The following GNAQ variants were observed in gnomAD, a reference collection of about 807,000 sequenced individuals.
The protein encoded by GNAQ is G protein subunit alpha q, also known as guanine nucleotide-binding protein G(q) subunit alpha.
GNAQ carries 8 observed loss-of-function variants against 43.9 expected under a neutral mutation model. The ratio of observed to expected loss-of-function variants is 0.18; its 90% CI spans 0.11 to 0.33. The LOEUF (loss-of-function observed/expected upper bound fraction) is 0.33. Ranked by LOEUF, GNAQ falls within the 10% of genes least tolerant of loss-of-function variation. GNAQ has a pLI of 1.00. For missense variants in GNAQ, 158 were observed against 450.8 expected (o/e 0.35, Z 5.88); for synonymous variants, 155 against 170.7 (o/e 0.91, Z 0.71).
intron 2 of GNAQ, among the ~76,000 whole-genome samples, chr9:77,917,908 T>C (rs1828937629): frequency 6.6e-6 from 1 of 152,206 alleles, no homozygotes; most frequent in African/African-American, 2.4e-5. Context: ...ATCTTTCTTT[T>C]GGTAAAATGT....
chr9:77,894,649 T>G (rs1408473122), intron 2 of GNAQ, among the ~76,000 whole-genome samples: 1 of 151,054 alleles, frequency 6.6e-6, no homozygotes, highest in Non-Finnish European at 1.5e-5. Flanking sequence ...TCTAGATCCC[T>G]TGACCTTGTG....
intron 1 of GNAQ, among the ~76,000 whole-genome samples, chr9:77,932,977 A>C (rs1339494703): frequency 1.3e-5 from 2 of 152,162 alleles, no homozygotes; most frequent in Non-Finnish European, 2.9e-5. Flanking sequence ...GAACTCGTTG[A>C]TTTCTGGCTT....
intron 2 of GNAQ, among the ~76,000 whole-genome samples, chr9:77,908,449 T>C (rs149878423): frequency 6.6e-6 from 1 of 152,294 alleles, no homozygotes; most frequent in African/African-American, 2.4e-5. Context: ...TCTCAAATAC[T>C]GTGCACTTTC....
chr9:77,920,030 T>C (rs937065370), intron 2 of GNAQ, among the ~76,000 whole-genome samples: 1 of 152,034 alleles, frequency 6.6e-6, no homozygotes, highest in Non-Finnish European at 1.5e-5. Context: ...TCCCAGCTAC[T>C]TGGGATGCTG....
chr9:77,945,558 A>C (rs548473507), intron 1 of GNAQ, among the ~76,000 whole-genome samples: 1 of 152,316 alleles, frequency 6.6e-6, no homozygotes, highest in Non-Finnish European at 1.5e-5. Context: ...TAAAATGCTT[A>C]ATTACCTAGG....
chr9:77,932,437 T>C (rs1054301824), intron 1 of GNAQ, among the ~76,000 whole-genome samples: 1 of 152,136 alleles, frequency 6.6e-6, no homozygotes, highest in Non-Finnish European at 1.5e-5. Flanking sequence ...GCTAAAGAAT[T>C]AAACGACAAT....
intron 1 of GNAQ, among the ~76,000 whole-genome samples, chr9:77,950,069 C>CT (rs2118377254): frequency 6.6e-6 from 1 of 152,264 alleles, no homozygotes; most frequent in Non-Finnish European, 1.5e-5. Context: ...TGACTCTTCT[C>CT]TTATCAAAAA....
intron 1 of GNAQ, among the ~76,000 whole-genome samples, chr9:77,984,049 CAAAAAAA>C (rs72279886): frequency 1.0e-3 from 68 of 67,962 alleles, no homozygotes; most frequent in Admixed American, 3.2e-3. Context: ...TTTTGGAGAG[CAAAAAAA>C]AAAAAAAAAA....
chr9:77,890,521 C>T lies in GNAQ; in HGVS notation c.321+31640G>A, dbSNP rs186951766. 4.9e-4 allele frequency among the ~76,000 whole-genome samples: 75 copies of T among 152,176 alleles called. 1 individual carries two copies. In the East Asian group the frequency reaches 0.014, roughly 28 times the overall value. ...GGAGGATCACCTGTGGTTGGAAGTT[C>T]GAGATCAGCCTGACCAACATGGAGA... On this transcript the variant is annotated intron_variant, in intron 2 of 6. Coordinates refer to ENST00000286548, the MANE Select transcript of GNAQ (RefSeq NM_002072.5).
chr9:78,024,890 GA>G (rs1422587101), intron 1 of GNAQ, among the ~76,000 whole-genome samples: 1 of 151,840 alleles, frequency 6.6e-6, no homozygotes, highest in African/African-American at 2.4e-5. Context: ...AGTATATGTT[GA>G]AAAAATGGAT....
At position 77,728,642 on chromosome 9, in the gene GNAQ, A is replaced by G; in HGVS notation, c.761T>C (p.Leu254Pro). The change falls in exon 6 of 7, where the codon CTC (leucine) becomes CCC (proline). Residue 254 changes from leucine to proline, a missense_variant. Coordinates refer to ENST00000286548, the MANE Select transcript of GNAQ (RefSeq NM_002072.5). Reference sequence around the variant, plus strand: ...GGGGTATGTGATAATTGTTCTAAAGAGAGCCTTGCTTTCCTCCATTCGGTT... The same window carrying G: ...GGGGTATGTGATAATTGTTCTAAAGGGAGCCTTGCTTTCCTCCATTCGGTT... Reference protein sequence around the residue: ...NENRMEESKALFRTIITYPWF... With the variant: ...NENRMEESKAPFRTIITYPWF... The G allele has an allele frequency of 6.2e-7, 1 of 1,603,378 alleles. No homozygotes were observed. Among genetic ancestry groups the G allele is most frequent in the Non-Finnish European group, 8.5e-7 (1 of 1,171,548 alleles).
intron 1 of GNAQ, among the ~76,000 whole-genome samples, chr9:77,939,842 T>C (rs961312674): frequency 2.0e-5 from 3 of 152,194 alleles, no homozygotes; most frequent in Admixed American, 6.5e-5. Flanking sequence ...ATTAAGAATA[T>C]AAGACTGTGT....
intron 2 of GNAQ, among the ~76,000 whole-genome samples, chr9:77,860,481 A>G (rs568849163): frequency 6.6e-6 from 1 of 151,894 alleles, no homozygotes; most frequent in Non-Finnish European, 1.5e-5. Flanking sequence ...CGGCGGGGGG[A>G]TTGTTTGGGG....
chr9:77,746,088 G>A (rs910625064), intron 5 of GNAQ, among the ~76,000 whole-genome samples: 6 of 152,190 alleles, frequency 3.9e-5, no homozygotes, highest in African/African-American at 1.4e-4. Flanking sequence ...GGAAGACTAT[G>A]AAATAGTGTT....
rs192419286 is a variant in GNAQ, at chr9:77,980,665, A to T, written c.136+50435T>A. Among the ~76,000 whole-genome samples, 159 of 75,502 alleles carry T rather than the reference A, an allele frequency of 2.1e-3. 1 individual carries two copies. In the Middle Eastern group the frequency reaches 0.053, roughly 25 times the overall value. The allele number at this position is 75,502 out of a possible 152,430, so 49.5% of individuals were successfully genotyped here. A position where few individuals can be genotyped will look rare whatever the true frequency, so the allele number is the denominator to read the frequency against. Reference sequence around the variant, plus strand: ...CCAAAAGATACCACTTTACTAGTTTAAAAAAAAAACACAATTCACAATTTA... The same window carrying T: ...CCAAAAGATACCACTTTACTAGTTTTAAAAAAAAACACAATTCACAATTTA... On this transcript the variant is annotated intron_variant, in intron 1 of 6. Coordinates refer to ENST00000286548, the MANE Select transcript of GNAQ (RefSeq NM_002072.5).
chr9:77,924,762 T>A (rs1829043915), intron 1 of GNAQ, among the ~76,000 whole-genome samples: 3 of 152,000 alleles, frequency 2.0e-5, no homozygotes, highest in Non-Finnish European at 1.5e-5. Flanking sequence ...TTAGGATAAA[T>A]TAAGAGGAAA....
At position 77,799,953 on chromosome 9, in the gene GNAQ, G is replaced by A. The variant is rs144218594; in HGVS notation, c.477-2305C>T. Among the ~76,000 whole-genome samples the A allele has an allele frequency of 1.4e-3, 214 of 152,262 alleles. 3 individuals carry two copies. The Middle Eastern group carries it at 0.054, about 39-fold the overall frequency. On this transcript the variant is annotated intron_variant, in intron 3 of 6. Coordinates refer to ENST00000286548, the MANE Select transcript of GNAQ (RefSeq NM_002072.5). ...CTGGTGTGAAACACAGAAAGGAAAC[G>A]TAAAAATGGACTAGACCCAGAATTT... is the stretch of plus-strand genomic sequence containing the variant.
intron 1 of GNAQ, among the ~76,000 whole-genome samples, chr9:78,021,869 A>G (rs76495285): frequency 0.073 from 11,113 of 152,340 alleles, 464 homozygotes; most frequent in African/African-American, 0.11. Context: ...GAAAAGACCC[A>G]GTCCTGAGCC....
chr9:77,838,785 G>A (rs1321370083), intron 2 of GNAQ, among the ~76,000 whole-genome samples: 1 of 151,848 alleles, frequency 6.6e-6, no homozygotes, highest in African/African-American at 2.4e-5. Context: ...TACATTACTT[G>A]TACAATTTAA....
Sources: allele counts gnomAD v4.1 joint callset (sites outside exome capture counted in the v4.1 genomes callset), GRCh38; gene constraint gnomAD v4.1.1; transcripts MANE v1.5; gene names NCBI Gene and HGNC (gene_info 2026-07-23, HGNC 2026-07-21).